BRSK2: variants seen among roughly 807,000 people sequenced by gnomAD.
BRSK2 encodes serine/threonine-protein kinase BRSK2.
In BRSK2, 19 loss-of-function variants were observed where a neutral mutation model predicts 83.3. The ratio of observed to expected loss-of-function variants is 0.23; its 90% CI spans 0.16 to 0.33. BRSK2 has a LOEUF of 0.33. BRSK2 is among the 10% of genes least tolerant of loss of function. The pLI is 1.00. For missense variants in BRSK2, 798 were observed against 1,042.3 expected, an observed-to-expected ratio of 0.77 and a Z score of 3.23; for synonymous variants, 519 against 435.4, an observed-to-expected ratio of 1.19 and a Z score of -2.39.
chr11:1,419,203 T>C (rs1848407800), intron 1 of BRSK2, among the ~76,000 whole-genome samples: 1 of 147,914 alleles, frequency 6.8e-6, no homozygotes, highest in Non-Finnish European at 1.5e-5. Flanking sequence ...GTGTCAGGTG[T>C]GAGTCTGGGC....
chr11:1,403,978 G>A (rs545596062), intron 1 of BRSK2, among the ~76,000 whole-genome samples: 3 of 152,294 alleles, frequency 2.0e-5, no homozygotes, highest in East Asian at 1.9e-4. Flanking sequence ...CAGATGGGGC[G>A]AATGGGGTGA....
At chr11:1,422,436 G>T (rs1037917387) in intron 1 of BRSK2, among the ~76,000 whole-genome samples, 1 of 152,148 alleles carries the variant, frequency 6.6e-6, no homozygotes, top group Non-Finnish European at 1.5e-5. Context: ...TTATGGGGCC[G>T]AGGCTGGCTC....
At position 1,461,604 on chromosome 11, in the gene BRSK2, A is replaced by C; in HGVS notation, c.*881A>C. 1 of 153,938 alleles carries C rather than the reference A, an allele frequency of 6.5e-6. No homozygotes were observed. Among genetic ancestry groups the C allele is most frequent in the Non-Finnish European group, 1.4e-5 (1 of 69,426 alleles). The allele number at this position is 153,938 out of a possible 1,614,324, so 9.5% of individuals were successfully genotyped here. On this transcript the variant is annotated 3_prime_UTR_variant, in exon 20 of 20. Coordinates refer to ENST00000528841, the MANE Select transcript of BRSK2 (RefSeq NM_001256627.2). ...CTGTTCAGGGAAGGGCGGCGGCCACATCCCCTGCCGTCTGCGTGTCTCAGG... is the reference window on the plus strand; with the variant it reads ...CTGTTCAGGGAAGGGCGGCGGCCACCTCCCCTGCCGTCTGCGTGTCTCAGG...
At chr11:1,399,453 T>G (rs1846331047) in intron 1 of BRSK2, among the ~76,000 whole-genome samples, 1 of 152,144 alleles carries the variant, frequency 6.6e-6, no homozygotes, top group Non-Finnish European at 1.5e-5. Context: ...ATGGCGTCAC[T>G]GTGTTGCCTT....
At position 1,459,202 on chromosome 11, in the gene BRSK2, CTG is replaced by C. The variant is rs749198539; in HGVS notation, c.1952_1953del (p.Cys651TyrfsTer17). ...AAQHLSDTTN[C>X]MEMMTGRLSK... ...CATTCTGTACTCCAGACACCACTAA[CTG>C]TATGGAAATGATGACGGGGCGGCTT... is the stretch of plus-strand genomic sequence containing the variant. On this transcript the variant is annotated frameshift_variant, in exon 19 of 20. Coordinates refer to ENST00000528841, the MANE Select transcript of BRSK2 (RefSeq NM_001256627.2). LOFTEE classifies it high-confidence loss of function. The C allele has an allele frequency of 1.9e-6, 3 of 1,613,756 alleles. No individual in the cohort carries two copies. The highest frequency in any genetic ancestry group is 1.3e-5 in the African/African-American group (1 of 74,924).
At chr11:1,451,304 G>T (rs916293588) in intron 14 of BRSK2, 67 bp from the exon 15 acceptor site, 2 of 1,588,932 alleles carry the variant, frequency 1.3e-6, no homozygotes, top group South Asian at 2.2e-5. Context: ...TCGGCGCAAG[G>T]TGGCCAGGGC....
chr11:1,449,603 A>G (rs1845554685), intron 12 of BRSK2, among the ~76,000 whole-genome samples, 173 bp from the exon 13 acceptor site: 1 of 152,062 alleles, frequency 6.6e-6, no homozygotes, highest in Admixed American at 6.5e-5. Flanking sequence ...GGGCACAGCC[A>G]GGCGCCCTGG....
At chr11:1,448,122 C>T (rs111713710) in intron 12 of BRSK2, among the ~76,000 whole-genome samples, 14 of 152,284 alleles carry the variant, frequency 9.2e-5, no homozygotes, top group African/African-American at 3.1e-4. Flanking sequence ...TAGAGCCCGG[C>T]GTGGCTGCAG....
At position 1,449,758 on chromosome 11, in the gene BRSK2, G is replaced by A. The variant is rs1183151865; in HGVS notation, c.1227-18G>A. 1.2e-6 allele frequency: 2 copies of A among 1,610,590 alleles called. No individual in the cohort carries two copies. Among genetic ancestry groups the A allele is most frequent in the East Asian group, 2.2e-5 (1 of 44,740 alleles). On this transcript the variant is annotated intron_variant, in intron 12 of 19. Transcript: ENST00000528841. ...TGCCCCCTGGCTGAGCAGTGGCCCTGTACCTTGTGACCTCCAGGTCTCGGT... is the reference window on the plus strand; with the variant it reads ...TGCCCCCTGGCTGAGCAGTGGCCCTATACCTTGTGACCTCCAGGTCTCGGT...
Position 1,443,112 on chromosome 11 carries a change from C to G in BRSK2, c.537C>G (p.Pro179=), listed in dbSNP as rs1347479817. 1 of 1,535,572 alleles carries G rather than the reference C, an allele frequency of 6.5e-7. No homozygotes were observed. The highest frequency in any genetic ancestry group is 2.0e-5 in the Admixed American group (1 of 50,888). The change falls in exon 6 of 20, where the codon CCC becomes CCG. Residue 179 remains proline (P), a synonymous_variant. Coordinates refer to ENST00000528841, the MANE Select transcript of BRSK2 (RefSeq NM_001256627.2). ...CCTCTGCCCTTGCCCGCAGGTCCCC[C>G]CACTACGCCTGCCCCGAGGTGATCC... ...DSLLETSCGS[P]HYACPEVIRG...
rs1849790161 is a variant in BRSK2, at chr11:1,432,957, CA to C, written c.92-3082del. ...CAGTGAGCGTCTTCTGCGGTCTGGTCAGGTTTTGCCACTGTGCTCAGCAGTG... is the reference window on the plus strand; with the variant it reads ...CAGTGAGCGTCTTCTGCGGTCTGGTCGGTTTTGCCACTGTGCTCAGCAGTG... On this transcript the variant is annotated intron_variant, in intron 1 of 19. Coordinates refer to ENST00000528841, the MANE Select transcript of BRSK2 (RefSeq NM_001256627.2). Among the ~76,000 whole-genome samples the C allele has an allele frequency of 8.4e-3, 2 of 238 alleles. 1 individual carries two copies. Among genetic ancestry groups the C allele is most frequent in the African/African-American group, 0.12 (2 of 16 alleles). The allele number at this position is 238 out of a possible 152,430, so 0.2% of individuals were successfully genotyped here.
In BRSK2 at chr11:1,461,269, G is replaced by A. The variant is rs1847468752; in HGVS notation, c.*546G>A. 2 of 523,294 alleles carry A rather than the reference G, an allele frequency of 3.8e-6. No individual in the cohort carries two copies. The highest frequency in any genetic ancestry group is 2.2e-5 in the South Asian group (1 of 44,738). 32.4% of individuals were successfully genotyped at this position (523,294 alleles called of 1,614,324 possible). On this transcript the variant is annotated 3_prime_UTR_variant, in exon 20 of 20. Coordinates refer to ENST00000528841, the MANE Select transcript of BRSK2 (RefSeq NM_001256627.2). ...GGGGCCAGGACCCCTGGTGGGCAAC[G>A]TAGCCACAGGAACAGGCCCCGTCCA...
chr11:1,457,620 G>A (rs1029748478), intron 18 of BRSK2, among the ~76,000 whole-genome samples: 2 of 152,136 alleles, frequency 1.3e-5, no homozygotes, highest in African/African-American at 2.4e-5. Context: ...GGCGCTGGGC[G>A]TCGTGGGGGA....
Position 1,456,435 on chromosome 11 carries a change from C to G in BRSK2, c.1756C>G (p.Pro586Ala). 1.3e-6 allele frequency: 2 copies of G among 1,593,886 alleles called. No individual in the cohort carries two copies. Among genetic ancestry groups the G allele is most frequent in the Non-Finnish European group, 1.7e-6 (2 of 1,171,384 alleles). Residue 586 changes from proline to alanine, a missense_variant, in exon 17 of 20, where the codon CCG becomes GCG. Pro to Ala is a conservative substitution (Grantham distance 27). Transcript: ENST00000528841. ...GGGGGGGCCAGCCGTGTTCCAGAAGCCGGTCAAGTTCCAGGTTGATATCAC... is the reference window on the plus strand; with the variant it reads ...GGGGGGGCCAGCCGTGTTCCAGAAGGCGGTCAAGTTCCAGGTTGATATCAC... Reference protein sequence around the residue: ...ATGGPAVFQKPVKFQVDITYT... With the variant: ...ATGGPAVFQKAVKFQVDITYT...
In BRSK2 at chr11:1,450,598, CCCCTCA is replaced by C; in HGVS notation, c.1302_1307del (p.Ser435_Pro436del). 1 of 1,578,880 alleles carries C rather than the reference CCCCTCA, an allele frequency of 6.3e-7. No homozygotes were observed. Among genetic ancestry groups the C allele is most frequent in the South Asian group, 1.1e-5 (1 of 87,608 alleles). On this transcript the variant is annotated inframe_deletion, in exon 14 of 20. Transcript: ENST00000528841. ...TCCCCACCATACAGGTGACCCCTCA[CCCCTCA>C]CCAAGGGGCAGTCCCCTCCCCACCC...
intron 12 of BRSK2, among the ~76,000 whole-genome samples, chr11:1,447,576 G>T (rs894478244): frequency 6.6e-6 from 1 of 152,162 alleles, no homozygotes; most frequent in Non-Finnish European, 1.5e-5. Flanking sequence ...GACTGGGGAC[G>T]CAGGGGTCCT....
chr11:1,404,795 C>A (rs917516864), intron 1 of BRSK2, among the ~76,000 whole-genome samples: 1 of 152,228 alleles, frequency 6.6e-6, no homozygotes, highest in African/African-American at 2.4e-5. Flanking sequence ...ATTCTTACCG[C>A]GCCCTGGAGA....
chr11:1,398,079 G>A (rs1367713506), intron 1 of BRSK2, among the ~76,000 whole-genome samples: 2 of 151,786 alleles, frequency 1.3e-5, no homozygotes, highest in African/African-American at 4.8e-5. Context: ...AGCTGTGGGT[G>A]GTTTGCGGGG....
Position 1,460,845 on chromosome 11 carries a change from GGGA to G in BRSK2, c.*126_*128del, listed in dbSNP as rs1253101758. The G allele has an allele frequency of 6.5e-7, 1 of 1,547,746 alleles. No homozygotes were observed. The highest frequency in any genetic ancestry group is 8.7e-7 in the Non-Finnish European group (1 of 1,149,710). ...TCCGTCCAGACTGTTCTCAGAGCCT[GGGA>G]GGAAAGGAAAGGGGCGTTGGGGCCG... On this transcript the variant is annotated 3_prime_UTR_variant, in exon 20 of 20. Coordinates refer to ENST00000528841, the MANE Select transcript of BRSK2 (RefSeq NM_001256627.2).
Sources: allele counts gnomAD v4.1 joint callset (sites outside exome capture counted in the v4.1 genomes callset), GRCh38; gene constraint gnomAD v4.1.1; transcripts MANE v1.5; gene names NCBI Gene and HGNC (gene_info 2026-07-23, HGNC 2026-07-21).